MKS1: variants seen among roughly 807,000 people sequenced by gnomAD.
MKS1 encodes the protein MKS transition zone complex subunit 1, also known as tectonic-like complex member MKS1.
In MKS1, 70 loss-of-function variants were observed where a neutral mutation model predicts 83.7. That is an observed-to-expected ratio of 0.84 (90% CI 0.69 to 1.02). The LOEUF (loss-of-function observed/expected upper bound fraction) is 1.02, where lower values mean the gene tolerates loss of function less well. Among genes scored for constraint, MKS1 ranks in the 50% least tolerant of loss-of-function variants. The pLI, the probability that MKS1 is intolerant of heterozygous loss-of-function variation, is 0.00. For missense variants in MKS1, 681 were observed against 726.9 expected, an observed-to-expected ratio of 0.94 and a Z score of 0.73; for synonymous variants, 251 against 273.4, an observed-to-expected ratio of 0.92 and a Z score of 0.81.
In MKS1 at chr17:58,207,456, T is replaced by C; in HGVS notation, c.1274-238A>G. The C allele has an allele frequency of 5.0e-6, 3 of 594,524 alleles. No homozygotes were observed. The South Asian group carries it at 6.0e-5, about 12-fold the overall frequency. The allele number at this position is 594,524 out of a possible 1,614,324, so 36.8% of individuals were successfully genotyped here. On this transcript the variant is annotated intron_variant, in intron 14 of 17. Coordinates refer to ENST00000393119, the MANE Select transcript of MKS1 (RefSeq NM_017777.4). ...CATACCCAGGACAGGTTTCTTAACC[T>C]CTCTGAAGCTCATTCTCCTCATCTA...
At position 58,213,796 on chromosome 17, in the gene MKS1, G is replaced by T; in HGVS notation, c.718C>A (p.Pro240Thr). 1.9e-6 allele frequency: 3 copies of T among 1,614,032 alleles called. No homozygotes were observed. The highest frequency in any genetic ancestry group is 2.5e-6 in the Non-Finnish European group (3 of 1,179,948). ...VDSNGVITVK[P>T]DFTGLKGPYR... ...GGTCCTTTGAGGCCCGTGAAGTCAG[G>T]CTTTACTGTGATCACACCATTGCTA... Residue 240 changes from proline (P) to threonine (T), a missense_variant, in exon 7 of 18, where the codon CCT becomes ACT. Pro to Thr is a conservative substitution (Grantham distance 38). This residue lies in a region of MKS1 where 365 missense variants were observed against 383.8 expected (regional missense o/e 0.95). Transcript: ENST00000393119.
At position 58,214,332 on chromosome 17, in the gene MKS1, CAAA is replaced by C; in HGVS notation, c.568_570del (p.Phe190del). 2 of 1,614,034 alleles carry C rather than the reference CAAA, an allele frequency of 1.2e-6. No individual in the cohort carries two copies. The highest frequency in any genetic ancestry group is 1.3e-5 in the African/African-American group (1 of 75,020). ...GTGTTAATGACGTGGTTGTTCCTGA[CAAA>C]CTCTTCTGAGGGCTCCCAGGTGACG... is the stretch of plus-strand genomic sequence containing the variant. On this transcript the variant is annotated inframe_deletion, in exon 6 of 18. Coordinates refer to ENST00000393119, the MANE Select transcript of MKS1 (RefSeq NM_017777.4).
rs1294257326 is a variant in MKS1 at position 58,207,151 on chromosome 17, C to G, written c.1341G>C (p.Arg447Ser). The G allele has an allele frequency of 6.2e-7, 1 of 1,614,050 alleles. No homozygotes were observed. Among genetic ancestry groups the G allele is most frequent in the African/African-American group, 1.3e-5 (1 of 74,924 alleles). Residue 447 changes from arginine to serine, a missense_variant, in exon 15 of 18, where the codon AGG becomes AGC. Physicochemically the swap from Arg to Ser is moderately radical, Grantham distance 110. This residue lies in a region of MKS1 where 310 missense variants were observed against 321.7 expected (regional missense o/e 0.96). Transcript: ENST00000393119. ...GTTCCAGAGAACCGCCAATGAAAAA[C>G]CTCCTCAGCTCAGCCACCGTGCCAA... ...VELGTVAELR[R>S]FFIGGSLELE...
In MKS1 at chr17:58,208,514, A is replaced by G. The variant is rs1968670584; in HGVS notation, c.1094T>C (p.Met365Thr). ...TQTCTTKSLA[M>T]DKVAHFSYPF... ...GATACCCGCTCTCATTCTCCATACC[A>G]TTGCCAGGGACTTGGTGGTGCAGGT... is the stretch of plus-strand genomic sequence containing the variant. Residue 365 changes from methionine to threonine, a missense_variant and splice_region_variant, in exon 12 of 18, where the codon ATG (methionine) becomes ACG (threonine). By Grantham distance (81) the Met-to-Thr change is moderately conservative. Coordinates refer to ENST00000393119, the MANE Select transcript of MKS1 (RefSeq NM_017777.4). The G allele has an allele frequency of 1.2e-6, 2 of 1,613,704 alleles. No individual in the cohort carries two copies. Among genetic ancestry groups the G allele is most frequent in the Non-Finnish European group, 1.7e-6 (2 of 1,179,768 alleles).
chr17:58,213,772 G>C lies in MKS1; in HGVS notation c.742C>G (p.Pro248Ala). 6.2e-7 allele frequency: 1 copy of C among 1,612,362 alleles called. No homozygotes were observed. The highest frequency in any genetic ancestry group is 2.2e-5 in the East Asian group (1 of 44,866). The change falls in exon 7 of 18, where the codon CCC (proline) becomes GCC (alanine). Residue 248 changes from proline to alanine, a missense_variant. Pro to Ala is a conservative substitution (Grantham distance 27). Around this residue, in one of 3 missense-constraint regions of MKS1, gnomAD observed 365 missense variants for 383.8 expected, o/e 0.95. Coordinates refer to ENST00000393119, the MANE Select transcript of MKS1 (RefSeq NM_017777.4). ...VKPDFTGLKG[P>A]YRIETEGEKQ... is the part of the protein sequence containing the mutation. Reference sequence around the variant, plus strand: ...CTTTCTTCCTCTCCTCACCTGTAGGGTCCTTTGAGGCCCGTGAAGTCAGGC... The same window carrying C: ...CTTTCTTCCTCTCCTCACCTGTAGGCTCCTTTGAGGCCCGTGAAGTCAGGC...
rs1171331449 is a variant in MKS1 at position 58,208,160 on chromosome 17, G to A, written c.1110C>T (p.His370=). The A allele has an allele frequency of 3.1e-6, 5 of 1,613,230 alleles. No individual in the cohort carries two copies. The highest frequency in any genetic ancestry group is 4.2e-6 in the Non-Finnish European group (5 of 1,179,148). The change falls in exon 13 of 18, where the codon CAC becomes CAT. Residue 370 remains histidine (H), a synonymous_variant. Coordinates refer to ENST00000393119, the MANE Select transcript of MKS1 (RefSeq NM_017777.4). Reference sequence around the variant, plus strand: ...CTTCAAACGTGAATGGGTAGGAGAAGTGAGCCACCTTGTCCTATAAAAAGG... The same window carrying A: ...CTTCAAACGTGAATGGGTAGGAGAAATGAGCCACCTTGTCCTATAAAAAGG... ...TKSLAMDKVA[H]FSYPFTFEAF...
chr17:58,216,082 C>CAAT lies in MKS1; in HGVS notation c.417+3_417+5dup. 2 of 1,614,098 alleles carry CAAT rather than the reference C, an allele frequency of 1.2e-6. No individual in the cohort carries two copies. The highest frequency in any genetic ancestry group is 3.3e-5 in the Admixed American group (2 of 60,026). ...GGAAGCTATGAGACCCTAGAAAGAA[C>CAAT]AATACCTCCTCCAAATTGGTGTATC... On this transcript the variant is annotated splice_donor_region_variant and intron_variant, in intron 4 of 17. Coordinates refer to ENST00000393119, the MANE Select transcript of MKS1 (RefSeq NM_017777.4).
In MKS1 at chr17:58,208,512, C is replaced by G; in HGVS notation, c.1095+1G>C. 5 of 1,613,962 alleles carry G rather than the reference C, an allele frequency of 3.1e-6. No homozygotes were observed. The highest frequency in any genetic ancestry group is 1.3e-5 in the African/African-American group (1 of 75,004). On this transcript the variant is annotated splice_donor_variant, in intron 12 of 17. Coordinates refer to ENST00000393119, the MANE Select transcript of MKS1 (RefSeq NM_017777.4). LOFTEE classifies it high-confidence loss of function. Reference sequence around the variant, plus strand: ...CAGATACCCGCTCTCATTCTCCATACCATTGCCAGGGACTTGGTGGTGCAG... The same window carrying G: ...CAGATACCCGCTCTCATTCTCCATAGCATTGCCAGGGACTTGGTGGTGCAG...
chr17:58,219,242 C>T lies in MKS1; in HGVS notation c.-12G>A, dbSNP rs972598377. 4.5e-6 allele frequency: 7 copies of T among 1,550,040 alleles called. No individual in the cohort carries two copies. In the South Asian group the frequency reaches 7.1e-5, roughly 16 times the overall value. ...ACGGTCTCCGCCATGACAGCTGCGA[C>T]GCGCCGCGACTGCGCCGGAAAGCGC... On this transcript the variant is annotated 5_prime_UTR_variant, in exon 1 of 18. Transcript: ENST00000393119.
rs769492248 is a variant in MKS1, at chr17:58,206,267, G to T, written c.1588+16C>A. 12 of 1,613,858 alleles carry T rather than the reference G, an allele frequency of 7.4e-6. No individual in the cohort carries two copies. The African/African-American group carries it at 8.0e-5, about 11-fold the overall frequency. ...CCATGCTGACCTGGGGTGGCCAGCT[G>T]GGGGAGGGGACATACCTAGCACATT... On this transcript the variant is annotated intron_variant, in intron 17 of 17. Coordinates refer to ENST00000393119, the MANE Select transcript of MKS1 (RefSeq NM_017777.4).
At position 58,214,818 on chromosome 17, in the gene MKS1, A is replaced by G. The variant is rs1969097774; in HGVS notation, c.438T>C (p.Thr146=). 3 of 1,604,296 alleles carry G rather than the reference A, an allele frequency of 1.9e-6. No individual in the cohort carries two copies. Among genetic ancestry groups the G allele is most frequent in the Non-Finnish European group, 2.5e-6 (3 of 1,179,504 alleles). ...AGAATGAAGGCACCTCGCTGGCTGC[A>G]GTGGTCATTCTCTGACAGTGCTGGG... ...NLEEHCQRMT[T]AASEVPSFLV... Residue 146 remains threonine (T), a synonymous_variant, in exon 5 of 18, where the codon ACT becomes ACC. Transcript: ENST00000393119.
intron 7 of MKS1, 71 bp from the exon 8 acceptor site, chr17:58,213,161 C>A (rs1423319771): frequency 3.5e-6 from 5 of 1,444,086 alleles, no homozygotes; most frequent in Non-Finnish European, 4.9e-6. Flanking sequence ...GCTCCCAGCC[C>A]AGGGATGAGC....
At chr17:58,218,265 G>A (rs912684520) in intron 2 of MKS1, among the ~76,000 whole-genome samples, 26 of 151,764 alleles carry the variant, frequency 1.7e-4, no homozygotes, top group African/African-American at 4.3e-4. Flanking sequence ...TGGCTAACAC[G>A]GTGAAACCCC....
At chr17:58,208,893 C>T (rs1022829133) in intron 11 of MKS1, among the ~76,000 whole-genome samples, 12 of 152,048 alleles carry the variant, frequency 7.9e-5, no homozygotes, top group African/African-American at 2.4e-4. Context: ...CCTTCAAGCA[C>T]CTGTTTAACA....
At chr17:58,208,366 A>C (rs1968661514) in intron 12 of MKS1, 147 bp downstream of exon 12, 1 of 1,015,202 alleles carries the variant, frequency 9.9e-7, no homozygotes, top group Non-Finnish European at 1.5e-6. Context: ...GGATCTCCGG[A>C]CCAGGTGGCC....
intron 14 of MKS1, chr17:58,207,664 A>G (rs1968602397): frequency 1.6e-6 from 1 of 617,804 alleles, no homozygotes; most frequent in Non-Finnish European, 2.9e-6. Context: ...CCTGAGTCCA[A>G]TCAGAGGAGC....
In MKS1 at chr17:58,205,892, T is replaced by G; in HGVS notation, c.*187A>C. The G allele has an allele frequency of 6.9e-7, 1 of 1,448,494 alleles. No individual in the cohort carries two copies. The highest frequency in any genetic ancestry group is 2.5e-5 in the Admixed American group (1 of 39,306). The allele number at this position is 1,448,494 out of a possible 1,614,324, so 89.7% of individuals were successfully genotyped here. A position where few individuals can be genotyped will look rare whatever the true frequency, so the allele number is the denominator to read the frequency against. On this transcript the variant is annotated 3_prime_UTR_variant, in exon 18 of 18. Transcript: ENST00000393119. ...GGGGGCCACAGGGTCTCTGGCTTTA[T>G]TTCCACAGGGTAGGGAGAAGACCCT...
Position 58,208,600 on chromosome 17 carries a change from A to T in MKS1, c.1025-17T>A. The T allele has an allele frequency of 6.2e-7, 1 of 1,612,818 alleles. No homozygotes were observed. Among genetic ancestry groups the T allele is most frequent in the Non-Finnish European group, 8.5e-7 (1 of 1,178,916 alleles). On this transcript the variant is annotated splice_polypyrimidine_tract_variant and intron_variant, in intron 11 of 17. Transcript: ENST00000393119. ...TTGACCAGTCTGAAAGCCAAAGACC[A>T]AATATAGTAAGCTCGCCTGGGAGGA...
intron 3 of MKS1, among the ~76,000 whole-genome samples, chr17:58,216,463 A>G (rs1969224860): frequency 6.6e-6 from 1 of 152,262 alleles, no homozygotes. Flanking sequence ...CAGATGGCAT[A>G]TAGCCCAGAG....
Sources: gnomAD v4.1 joint callset for allele counts (sites outside exome capture counted in the v4.1 genomes callset) on GRCh38, gnomAD v4.1.1 for gene constraint, gnomAD v4.1.1 regional missense constraint, MANE v1.5 for transcripts, NCBI Gene and HGNC (gene_info 2026-07-23, HGNC 2026-07-21) for gene names.